HIVEP3: variants seen among roughly 807,000 people sequenced by gnomAD.
HIVEP3 encodes the protein HIVEP zinc finger 3, also known as transcription factor HIVEP3.
A neutral mutation model predicts 152.8 loss-of-function variants in HIVEP3; 49 were observed. The ratio of observed to expected loss-of-function variants is 0.32; its 90% CI spans 0.26 to 0.41. The LOEUF (loss-of-function observed/expected upper bound fraction) is 0.41. HIVEP3 is among the 10% of genes least tolerant of loss of function. HIVEP3 has a pLI of 1.00. For synonymous variants in HIVEP3, 1,269 were observed against 1,289.0 expected, an observed-to-expected ratio of 0.98 and a Z score of 0.33; for missense variants, 2,790 against 3,103.3, an observed-to-expected ratio of 0.90 and a Z score of 2.40.
chr1:42,022,835 G>T (rs1330308946), intron 1 of HIVEP3, among the ~76,000 whole-genome samples: 1 of 152,108 alleles, frequency 6.6e-6, no homozygotes, highest in African/African-American at 2.4e-5. Context: ...AGTATCTTGG[G>T]TGCTGCAGCT....
intron 3 of HIVEP3, among the ~76,000 whole-genome samples, chr1:41,595,624 T>C (rs1054169502): frequency 2.0e-5 from 3 of 152,084 alleles, no homozygotes; most frequent in Admixed American, 2.0e-4. Context: ...CTTGATTGGA[T>C]TGAAGGATGA....
chr1:41,680,312 C>G (rs1646019294), intron 2 of HIVEP3, among the ~76,000 whole-genome samples: 2 of 152,180 alleles, frequency 1.3e-5, no homozygotes, highest in Admixed American at 1.3e-4. Flanking sequence ...CTGGCCTTGT[C>G]CTCAAATGCC....
At chr1:41,829,136 A>G (rs568416412) in intron 1 of HIVEP3, among the ~76,000 whole-genome samples, 3 of 152,138 alleles carry the variant, frequency 2.0e-5, no homozygotes, top group Non-Finnish European at 4.4e-5. Flanking sequence ...CCGGCACTAT[A>G]TCATGAATGG....
At chr1:41,643,906 T>TTTTTTTTTTTTTG (rs1553242264) in intron 2 of HIVEP3, among the ~76,000 whole-genome samples, 1,464 of 143,340 alleles carry the variant, frequency 0.01, 31 homozygotes, top group South Asian at 0.028. Context: ...TTTTTTTTTT[T>TTTTTTTTTTTTTG]GACAGGGTCT....
chr1:42,009,272 G>A (rs1381524071), intron 1 of HIVEP3, among the ~76,000 whole-genome samples: 1 of 152,086 alleles, frequency 6.6e-6, no homozygotes, highest in Non-Finnish European at 1.5e-5. Context: ...CTATTTCTTT[G>A]TGAATAATGT....
intron 3 of HIVEP3, among the ~76,000 whole-genome samples, chr1:41,622,835 A>C (rs1645065534): frequency 6.6e-6 from 1 of 152,228 alleles, no homozygotes; most frequent in Admixed American, 6.5e-5. Flanking sequence ...GGGGATGGAG[A>C]TCAACAACAA....
At chr1:41,604,788 A>C (rs1157295416) in intron 3 of HIVEP3, among the ~76,000 whole-genome samples, 4 of 152,268 alleles carry the variant, frequency 2.6e-5, no homozygotes, top group East Asian at 1.9e-4. Flanking sequence ...AGGATAGGCG[A>C]AAAACCAATC....
intron 1 of HIVEP3, among the ~76,000 whole-genome samples, chr1:41,892,638 G>T (rs544667126): frequency 9.9e-5 from 15 of 152,276 alleles, no homozygotes; most frequent in African/African-American, 3.6e-4. Context: ...CCTCTGCTCT[G>T]GGACCCTTCA....
rs1030972129 is a variant in HIVEP3 at position 41,846,133 on chromosome 1, C to T, written c.-801+72280G>A. The stretch of plus-strand genomic sequence containing the variant: ...CGAATAACATTCATTCCTCAGCTCT[C>T]GTCCTCACATCATCTTAATACAAAT... On this transcript the variant is annotated intron_variant, in intron 1 of 8. Transcript: ENST00000372583. 9.9e-5 allele frequency among the ~76,000 whole-genome samples: 15 copies of T among 152,268 alleles called. No homozygotes were observed. In the East Asian group the frequency reaches 2.5e-3, roughly 25 times the overall value.
chr1:41,946,672 G>A (rs1645076794), intron 1 of HIVEP3, among the ~76,000 whole-genome samples: 1 of 152,060 alleles, frequency 6.6e-6, no homozygotes, highest in Non-Finnish European at 1.5e-5. Flanking sequence ...CTTGAGGAAG[G>A]AATTAATCCT....
At chr1:41,786,452 T>C (rs1649353874) in intron 1 of HIVEP3, among the ~76,000 whole-genome samples, 1 of 152,234 alleles carries the variant, frequency 6.6e-6, no homozygotes, top group Non-Finnish European at 1.5e-5. Context: ...CCATTACTGG[T>C]TGGCTGCCAT....
At chr1:41,641,878 C>T (rs1645378872) in intron 2 of HIVEP3, among the ~76,000 whole-genome samples, 1 of 152,230 alleles carries the variant, frequency 6.6e-6, no homozygotes, top group African/African-American at 2.4e-5. Flanking sequence ...ACTAGGTTTG[C>T]ATCCCGCCTC....
At chr1:41,826,461 T>G (rs527668483) in intron 1 of HIVEP3, among the ~76,000 whole-genome samples, 3 of 152,332 alleles carry the variant, frequency 2.0e-5, no homozygotes, top group African/African-American at 4.8e-5. Flanking sequence ...TTGCCCAGGC[T>G]GGAGTGCAAT....
intron 5 of HIVEP3, among the ~76,000 whole-genome samples, chr1:41,550,385 T>C (rs1355175179): frequency 6.6e-6 from 1 of 152,196 alleles, no homozygotes; most frequent in East Asian, 1.9e-4. Context: ...ATATGAACTT[T>C]AGTTTTTTCC....
At chr1:41,676,400 G>A (rs1015712334) in intron 2 of HIVEP3, among the ~76,000 whole-genome samples, 4 of 152,080 alleles carry the variant, frequency 2.6e-5, no homozygotes, top group African/African-American at 4.8e-5. Context: ...TGGGGATGGC[G>A]GGGACAGTTT....
intron 1 of HIVEP3, among the ~76,000 whole-genome samples, chr1:41,962,805 C>G (rs1340090270): frequency 6.6e-6 from 1 of 152,148 alleles, no homozygotes; most frequent in Non-Finnish European, 1.5e-5. Context: ...TCACTACTAC[C>G]CTAGAGGTTG....
Position 41,583,655 on chromosome 1 carries a change from C to T in HIVEP3, c.1143G>A (p.Leu381=). The change falls in exon 4 of 9, where the codon CTG becomes CTA. Residue 381 remains leucine (L), a synonymous_variant. Coordinates refer to ENST00000372583, the MANE Select transcript of HIVEP3 (RefSeq NM_024503.5). The surrounding 1 kb of genome is among the most constrained non-coding windows in gnomAD (Gnocchi z 6.9). ...RKKVIDEQAF[L]SPGSKGSTES... Reference sequence around the variant, plus strand: ...CAGTACTCCCTTTGCTGCCTGGGCTCAGAAACGCCTGCTCATCGATCACCT... The same window carrying T: ...CAGTACTCCCTTTGCTGCCTGGGCTTAGAAACGCCTGCTCATCGATCACCT... 6.2e-7 allele frequency: 1 copy of T among 1,614,178 alleles called. No homozygotes were observed. Among genetic ancestry groups the T allele is most frequent in the Non-Finnish European group, 8.5e-7 (1 of 1,180,018 alleles).
intron 1 of HIVEP3, among the ~76,000 whole-genome samples, chr1:41,711,960 A>G (rs1646520490): frequency 6.6e-6 from 1 of 152,216 alleles, no homozygotes; most frequent in Non-Finnish European, 1.5e-5. Flanking sequence ...GGCAGCAAAC[A>G]CACCAAGGTG....
At chr1:41,921,034 C>A (rs139641292), upstream of HIVEP3, among the ~76,000 whole-genome samples, 20 of 152,290 alleles carry the variant, frequency 1.3e-4, no homozygotes, top group South Asian at 1.0e-3. Context: ...TTACATGAGT[C>A]TGGAAGGTCA....
Sources: gnomAD v4.1 joint callset for allele counts (sites outside exome capture counted in the v4.1 genomes callset) on GRCh38, gnomAD v4.1.1 for gene constraint, Gnocchi (gnomAD v3.1) non-coding constraint, MANE v1.5 for transcripts, NCBI Gene and HGNC (gene_info 2026-07-23, HGNC 2026-07-21) for gene names.